Variants in TTLL11 observed in about 807,000 individuals in gnomAD.
TTLL11 encodes tubulin tyrosine ligase like 11.
In TTLL11, 42 loss-of-function variants were observed where a neutral mutation model predicts 51.7. The observed-to-expected ratio is 0.81, with a 90% confidence interval of 0.64 to 1.05. TTLL11 has a LOEUF of 1.05. Among genes scored for constraint, TTLL11 ranks in the 50% least tolerant of loss-of-function variants. The pLI is 0.00. For synonymous variants in TTLL11, 381 were observed against 383.5 expected (o/e 0.99, Z 0.08); for missense variants, 799 against 940.4 (o/e 0.85, Z 1.97).
chr9:121,857,609 G>T (rs1837868078), intron 8 of TTLL11, among the ~76,000 whole-genome samples: 1 of 152,186 alleles, frequency 6.6e-6, no homozygotes, highest in African/African-American at 2.4e-5. Flanking sequence ...ACCTAGTCAG[G>T]GGCTGAGGTC....
chr9:121,827,367 A>T (rs1836844378), intron 8 of TTLL11, among the ~76,000 whole-genome samples: 1 of 152,054 alleles, frequency 6.6e-6, no homozygotes, highest in South Asian at 2.1e-4. Context: ...ACCCTTGTTT[A>T]GCATTTGCAT....
intron 1 of TTLL11, among the ~76,000 whole-genome samples, chr9:122,075,900 T>C (rs1011682746): frequency 1.3e-5 from 2 of 152,184 alleles, no homozygotes; most frequent in African/African-American, 4.8e-5. Context: ...AATCCCTTCA[T>C]GTCATTTCCC....
rs2131371488 is a variant in TTLL11 at position 121,853,555 on chromosome 9, T to C, written c.1840+6782A>G. ...GATGCAGAGTGGACAGGGGTCCAGC[T>C]CTCAAGGCCCTGAAATGCGCCAATG... On this transcript the variant is annotated intron_variant, in intron 8 of 8. Transcript: ENST00000321582. The surrounding 1 kb of genome is among the most constrained non-coding windows in gnomAD (Gnocchi z 5.6). 6.6e-6 allele frequency among the ~76,000 whole-genome samples: 1 copy of C among 152,146 alleles called. No individual in the cohort carries two copies. The highest frequency in any genetic ancestry group is 1.9e-4 in the East Asian group (1 of 5,152).
intron 3 of TTLL11, among the ~76,000 whole-genome samples, chr9:121,992,389 C>T (rs1843142526): frequency 6.6e-6 from 1 of 152,200 alleles, no homozygotes; most frequent in African/African-American, 2.4e-5. Context: ...AAAAAGAAGT[C>T]ATGGACCAGA....
chr9:121,816,528 T>C lies in TTLL11; in HGVS notation c.*6059A>G, dbSNP rs1343937563. 1 of 143,006 alleles carries C rather than the reference T, an allele frequency of 7.0e-6. No homozygotes were observed. The highest frequency in any genetic ancestry group is 1.5e-5 in the Non-Finnish European group (1 of 66,424). The allele number at this position is 143,006 out of a possible 1,614,324, so 8.9% of individuals were successfully genotyped here. ...GCCATTTTCTACCAAAGCTCAACGGTGCTCAGTGTGTGTGTGTGCGTGCGC... is the reference window on the plus strand; with the variant it reads ...GCCATTTTCTACCAAAGCTCAACGGCGCTCAGTGTGTGTGTGTGCGTGCGC... On this transcript the variant is annotated 3_prime_UTR_variant, in exon 9 of 9. Transcript: ENST00000321582.
chr9:122,035,585 A>G (rs1844679703), intron 2 of TTLL11, among the ~76,000 whole-genome samples: 1 of 152,244 alleles, frequency 6.6e-6, no homozygotes, highest in Non-Finnish European at 1.5e-5. Flanking sequence ...TTATAACAAT[A>G]ATTCTTGGCA....
intron 1 of TTLL11, among the ~76,000 whole-genome samples, chr9:122,052,039 C>T (rs1433282888): frequency 6.6e-6 from 1 of 152,178 alleles, no homozygotes; most frequent in Non-Finnish European, 1.5e-5. Flanking sequence ...TATCACTCTT[C>T]CTCAATCAAG....
intron 8 of TTLL11, among the ~76,000 whole-genome samples, chr9:121,834,684 G>A (rs374691404): frequency 9.9e-5 from 15 of 152,076 alleles, no homozygotes; most frequent in Admixed American, 3.3e-4. Context: ...AAAATTAGCC[G>A]GGCATGGTGG....
intron 6 of TTLL11, among the ~76,000 whole-genome samples, chr9:121,916,378 T>A (rs1840327497): frequency 1.3e-5 from 2 of 152,138 alleles, no homozygotes; most frequent in Admixed American, 6.6e-5. Flanking sequence ...TTGTTTATAG[T>A]GGTTGTCGCT....
intron 6 of TTLL11, among the ~76,000 whole-genome samples, chr9:121,925,056 C>T (rs1205083439): frequency 6.6e-6 from 1 of 152,156 alleles, no homozygotes; most frequent in Admixed American, 6.5e-5. Flanking sequence ...AGAACAGGCT[C>T]AGCTGTGGGA....
At chr9:121,828,789 C>A (rs1328220386) in intron 8 of TTLL11, among the ~76,000 whole-genome samples, 3 of 151,986 alleles carry the variant, frequency 2.0e-5, no homozygotes, top group African/African-American at 7.2e-5. Context: ...TAATTGACTT[C>A]ATGTTAAAAA....
chr9:121,983,049 T>C (rs1488795664), intron 4 of TTLL11, among the ~76,000 whole-genome samples: 1 of 152,204 alleles, frequency 6.6e-6, no homozygotes, highest in Admixed American at 6.5e-5. Context: ...ATGGCAGCCA[T>C]TCAAGTGCGA....
intron 1 of TTLL11, among the ~76,000 whole-genome samples, chr9:122,061,719 C>T (rs1228809352): frequency 6.6e-6 from 1 of 152,014 alleles, no homozygotes; most frequent in African/African-American, 2.4e-5. Context: ...CTCACTGCAA[C>T]CTCTGCCTCC....
At chr9:122,067,900 C>T (rs562174395) in intron 1 of TTLL11, among the ~76,000 whole-genome samples, 6 of 152,330 alleles carry the variant, frequency 3.9e-5, no homozygotes, top group African/African-American at 9.6e-5. Flanking sequence ...ACAATAGTTA[C>T]CAGAGTGAAA....
At chr9:122,015,565 T>C (rs554542743) in intron 3 of TTLL11, among the ~76,000 whole-genome samples, 4 of 152,252 alleles carry the variant, frequency 2.6e-5, no homozygotes, top group Admixed American at 1.3e-4. Flanking sequence ...AGACACTGCA[T>C]TCTCCATGTT....
chr9:122,041,520 A>C (rs1185406391), intron 1 of TTLL11, among the ~76,000 whole-genome samples: 1 of 152,232 alleles, frequency 6.6e-6, no homozygotes, highest in African/African-American at 2.4e-5. Context: ...ATATGTAGAA[A>C]ACTCTAATGA....
intron 6 of TTLL11, among the ~76,000 whole-genome samples, chr9:121,896,691 G>A (rs1160483416): frequency 1.3e-5 from 2 of 152,172 alleles, no homozygotes; most frequent in Non-Finnish European, 2.9e-5. Context: ...CGGGGCGGCA[G>A]GGATGACTAC....
At chr9:122,070,348 A>G (rs1035171354) in intron 1 of TTLL11, among the ~76,000 whole-genome samples, 2 of 152,126 alleles carry the variant, frequency 1.3e-5, no homozygotes. Context: ...ACAGCACAAC[A>G]GGGGGTGGGG....
rs58764604 is a variant in TTLL11 at position 121,934,235 on chromosome 9, AAAATAAAT to A, written c.1481+39766_1481+39773del. 8.1e-3 allele frequency among the ~76,000 whole-genome samples: 1,191 copies of A among 146,468 alleles called. 12 individuals are homozygous for A. The highest frequency in any genetic ancestry group is 0.029 in the African/African-American group (1,146 of 39,512). ...GCAACAAGAGCAAAACTCCATCTCAAAAATAAATAAATAAATAAATAAATAAATAAATC... is the reference window on the plus strand; with the variant it reads ...GCAACAAGAGCAAAACTCCATCTCAAAAATAAATAAATAAATAAATAAATC... On this transcript the variant is annotated intron_variant, in intron 6 of 8. Transcript: ENST00000321582.
Sources: allele counts gnomAD v4.1 joint callset (sites outside exome capture counted in the v4.1 genomes callset), GRCh38; gene constraint gnomAD v4.1.1; non-coding constraint Gnocchi (gnomAD v3.1); transcripts MANE v1.5; gene names NCBI Gene and HGNC (gene_info 2026-07-23, HGNC 2026-07-21).